The following PPM1E variants were observed in gnomAD, a reference collection of about 807,000 sequenced individuals.
The protein encoded by PPM1E is protein phosphatase 1E.
PPM1E carries 20 observed loss-of-function variants against 65.9 expected under a neutral mutation model. That is an observed-to-expected ratio of 0.30 (90% CI 0.21 to 0.44). The LOEUF (loss-of-function observed/expected upper bound fraction) is 0.44, where lower values mean the gene tolerates loss of function less well. Among genes scored for constraint, PPM1E ranks in the 20% least tolerant of loss-of-function variants. The probability of loss-of-function intolerance (pLI) is 1.00; values close to 1 mark genes in which losing one functional copy is unlikely to be tolerated. For synonymous variants in PPM1E, 352 were observed against 374.9 expected, an observed-to-expected ratio of 0.94 and a Z score of 0.70; for missense variants, 713 against 953.1, an observed-to-expected ratio of 0.75 and a Z score of 3.32.
At chr17:58,958,775 TATTA>T (rs2029930681) in intron 2 of PPM1E, among the ~76,000 whole-genome samples, 1 of 151,880 alleles carries the variant, frequency 6.6e-6, no homozygotes, top group African/African-American at 2.4e-5. Context: ...GTTTTTTTTT[TATTA>T]TATAGTTATT....
intron 1 of PPM1E, among the ~76,000 whole-genome samples, chr17:58,928,301 A>G (rs944806009): frequency 6.6e-6 from 1 of 152,096 alleles, no homozygotes; most frequent in African/African-American, 2.4e-5. Context: ...CTCACTATGG[A>G]AAAATGTACT....
At position 58,819,785 on chromosome 17, in the gene PPM1E, G is replaced by A. The variant is rs189655227; in HGVS notation, c.464+63324G>A. Among the ~76,000 whole-genome samples, 1,153 of 151,986 alleles carry A rather than the reference G, an allele frequency of 7.6e-3. 9 individuals are homozygous for A. The highest frequency in any genetic ancestry group is 0.026 in the African/African-American group (1,058 of 41,472). Reference sequence around the variant, plus strand: ...GGTGCAGTGGCTCATACCTGTAATCGCAGCACTTTGGGAGACAGAGGTGGG... The same window carrying A: ...GGTGCAGTGGCTCATACCTGTAATCACAGCACTTTGGGAGACAGAGGTGGG... On this transcript the variant is annotated intron_variant, in intron 1 of 6. Coordinates refer to ENST00000308249, the MANE Select transcript of PPM1E (RefSeq NM_014906.5).
At chr17:58,876,622 A>T (rs1368533631) in intron 1 of PPM1E, among the ~76,000 whole-genome samples, 1 of 152,226 alleles carries the variant, frequency 6.6e-6, no homozygotes, top group African/African-American at 2.4e-5. Flanking sequence ...AAATTTATTT[A>T]TGGAATGGTA....
At chr17:58,918,703 G>A (rs954115069) in intron 1 of PPM1E, among the ~76,000 whole-genome samples, 2 of 149,140 alleles carry the variant, frequency 1.3e-5, no homozygotes, top group African/African-American at 4.9e-5. Context: ...CTACTCGGGA[G>A]GCTGAGGCAG....
chr17:58,849,904 G>A (rs2050808371), intron 1 of PPM1E, among the ~76,000 whole-genome samples: 1 of 152,132 alleles, frequency 6.6e-6, no homozygotes. Context: ...TCATTATTGT[G>A]TGGGAGTCTA....
intron 1 of PPM1E, among the ~76,000 whole-genome samples, chr17:58,801,624 G>A (rs376130119): frequency 1.3e-5 from 2 of 151,622 alleles, no homozygotes; most frequent in African/African-American, 4.8e-5. Flanking sequence ...TCTATTTTTA[G>A]TAGAGACGGG....
chr17:58,882,928 G>C, intron 1 of PPM1E, among the ~76,000 whole-genome samples: 1 of 143,182 alleles, frequency 7.0e-6, no homozygotes. Context: ...TTCTCTTAAG[G>C]TTTTCATTTT....
intron 1 of PPM1E, among the ~76,000 whole-genome samples, chr17:58,837,171 G>C (rs1186739048): frequency 6.7e-6 from 1 of 149,242 alleles, no homozygotes; most frequent in African/African-American, 2.5e-5. Flanking sequence ...GAGCCCAGGA[G>C]CCCAGGAGTT....
At chr17:58,759,508 C>T (rs1567825369) in intron 1 of PPM1E, among the ~76,000 whole-genome samples, 1 of 152,198 alleles carries the variant, frequency 6.6e-6, no homozygotes, top group Non-Finnish European at 1.5e-5. Context: ...TCTCTATACA[C>T]TACTAGAGAT....
At chr17:58,784,634 C>T (rs533063569) in intron 1 of PPM1E, among the ~76,000 whole-genome samples, 1 of 151,988 alleles carries the variant, frequency 6.6e-6, no homozygotes, top group Non-Finnish European at 1.5e-5. Context: ...AAGCAATGCT[C>T]CTGCCTCAGC....
At chr17:58,937,063 G>A (rs565109919) in intron 1 of PPM1E, among the ~76,000 whole-genome samples, 15 of 151,758 alleles carry the variant, frequency 9.9e-5, no homozygotes, top group East Asian at 7.8e-4. Context: ...TTGGGAGGCC[G>A]AGGTGGGCGG....
In PPM1E at chr17:58,981,204, A is replaced by G. The variant is rs2031338779; in HGVS notation, c.*173A>G. ...CTCAAAGTACAGTGTTTTCAATCTA[A>G]AAAGAAGTATTGGCAGTTTCACTTG... On this transcript the variant is annotated 3_prime_UTR_variant, in exon 7 of 7. Coordinates refer to ENST00000308249, the MANE Select transcript of PPM1E (RefSeq NM_014906.5). 1.0e-5 allele frequency: 6 copies of G among 577,730 alleles called. No individual in the cohort carries two copies. In the South Asian group the frequency reaches 1.6e-4, roughly 15 times the overall value. The allele number at this position is 577,730 out of a possible 1,614,324, so 35.8% of individuals were successfully genotyped here.
At chr17:58,865,423 G>A (rs2050990839) in intron 1 of PPM1E, among the ~76,000 whole-genome samples, 1 of 151,904 alleles carries the variant, frequency 6.6e-6, no homozygotes, top group South Asian at 2.1e-4. Flanking sequence ...ATGCAATCCT[G>A]GGCCAGCCAT....
chr17:58,897,312 G>A (rs2051432538), intron 1 of PPM1E, among the ~76,000 whole-genome samples: 1 of 151,996 alleles, frequency 6.6e-6, no homozygotes, highest in Admixed American at 6.6e-5. Context: ...TACTTGGGAG[G>A]CTGAGGCAGG....
intron 1 of PPM1E, among the ~76,000 whole-genome samples, chr17:58,812,566 T>G (rs898019209): frequency 9.9e-5 from 15 of 152,106 alleles, no homozygotes; most frequent in Admixed American, 9.2e-4. Flanking sequence ...TTTATTTTAT[T>G]TATTTATTTT....
chr17:58,889,690 T>G (rs1047610554), intron 1 of PPM1E, among the ~76,000 whole-genome samples: 2 of 152,236 alleles, frequency 1.3e-5, no homozygotes, highest in African/African-American at 4.8e-5. Flanking sequence ...GTAGAAATGC[T>G]AAATTGGTAA....
At chr17:58,756,602 C>G (rs913910597) in intron 1 of PPM1E, 141 bp downstream of exon 1, 8 of 1,066,238 alleles carry the variant, frequency 7.5e-6, no homozygotes, top group Non-Finnish European at 9.6e-6. Flanking sequence ...GAAAGCGCCC[C>G]CGCTGCTCGG....
At chr17:58,775,774 C>T (rs374850021) in intron 1 of PPM1E, among the ~76,000 whole-genome samples, 24 of 149,852 alleles carry the variant, frequency 1.6e-4, no homozygotes, top group East Asian at 1.6e-3. Flanking sequence ...ATTAGCCGGG[C>T]GCGGTGGCGG....
intron 6 of PPM1E, among the ~76,000 whole-genome samples, chr17:58,978,354 C>A (rs1403976159): frequency 1.3e-5 from 2 of 152,036 alleles, no homozygotes; most frequent in Non-Finnish European, 2.9e-5. Context: ...ATTTATGATA[C>A]CCTACTCTAG....
Sources: gnomAD v4.1 joint callset for allele counts (sites outside exome capture counted in the v4.1 genomes callset) on GRCh38, gnomAD v4.1.1 for gene constraint, MANE v1.5 for transcripts, NCBI Gene and HGNC (gene_info 2026-07-23, HGNC 2026-07-21) for gene names.